Variants in SNX29 observed in about 807,000 individuals in gnomAD.
SNX29 encodes sorting nexin 29, also known as sorting nexin-29.
A neutral mutation model predicts 102.1 loss-of-function variants in SNX29; 78 were observed. That is an observed-to-expected ratio of 0.76 (90% CI 0.64 to 0.92). The LOEUF is 0.92. Ranked by LOEUF, SNX29 falls within the 40% of genes least tolerant of loss-of-function variation. SNX29 has a pLI of 0.00. For missense variants in SNX29, 1,280 were observed against 1,061.7 expected (o/e 1.21, Z -2.86); for synonymous variants, 580 against 414.5 (o/e 1.40, Z -4.85).
intron 16 of SNX29, among the ~76,000 whole-genome samples, chr16:12,370,332 A>G (rs935277450): frequency 5.3e-5 from 8 of 150,538 alleles, no homozygotes; most frequent in African/African-American, 2.0e-4. Context: ...GGCCAAGGCG[A>G]GCGGATCACC....
At chr16:12,201,386 C>A (rs1334009643) in intron 14 of SNX29, among the ~76,000 whole-genome samples, 1 of 152,224 alleles carries the variant, frequency 6.6e-6, no homozygotes, top group African/African-American at 2.4e-5. Flanking sequence ...TAGCCCTTTA[C>A]AGCCTTTCCA....
intron 16 of SNX29, among the ~76,000 whole-genome samples, chr16:12,376,981 GT>G (rs1254596879): frequency 6.6e-6 from 1 of 152,098 alleles, no homozygotes; most frequent in Non-Finnish European, 1.5e-5. Flanking sequence ...AGGTCCAGAG[GT>G]TTTTCTGGTT....
intron 10 of SNX29, 105 bp from the exon 11 acceptor site, chr16:12,078,728 C>G (rs941779644): frequency 2.2e-6 from 2 of 903,648 alleles, no homozygotes. Flanking sequence ...TCTATCCCTT[C>G]TAGTAGAGGT....
chr16:12,105,095 A>T (rs1290627620), intron 11 of SNX29, among the ~76,000 whole-genome samples: 1 of 152,202 alleles, frequency 6.6e-6, no homozygotes, highest in East Asian at 1.9e-4. Flanking sequence ...CAGTCTTCAG[A>T]GCATGAGGCA....
intron 4 of SNX29, among the ~76,000 whole-genome samples, chr16:12,035,090 G>T (rs1476058749): frequency 6.6e-6 from 1 of 151,944 alleles, no homozygotes; most frequent in Non-Finnish European, 1.5e-5. Context: ...CCTGAGTTCC[G>T]TGGGTCCTTT....
chr16:12,204,237 T>C (rs545515537), intron 14 of SNX29, among the ~76,000 whole-genome samples: 74 of 152,304 alleles, frequency 4.9e-4, no homozygotes, highest in African/African-American at 1.7e-3. Flanking sequence ...CCCTGGACTT[T>C]TTGGTAATAG....
At chr16:12,388,662 T>C (rs1280444224) in intron 16 of SNX29, among the ~76,000 whole-genome samples, 3 of 152,170 alleles carry the variant, frequency 2.0e-5, no homozygotes, top group African/African-American at 7.2e-5. Context: ...ACTGGCTGAG[T>C]GGGACTGTGT....
intron 10 of SNX29, among the ~76,000 whole-genome samples, chr16:12,073,957 TAA>T (rs1383302927): frequency 6.6e-6 from 1 of 152,102 alleles, no homozygotes; most frequent in Non-Finnish European, 1.5e-5. Flanking sequence ...TTTGTTGGTT[TAA>T]AGTCTCTTTT....
At chr16:12,078,020 C>G (rs2051668594) in intron 10 of SNX29, among the ~76,000 whole-genome samples, 1 of 152,164 alleles carries the variant, frequency 6.6e-6, no homozygotes, top group Non-Finnish European at 1.5e-5. Flanking sequence ...GATTCATTAA[C>G]ATTGAATTCA....
At chr16:12,550,543 A>C (rs902115252) in intron 20 of SNX29, among the ~76,000 whole-genome samples, 4 of 151,964 alleles carry the variant, frequency 2.6e-5, no homozygotes, top group Admixed American at 2.6e-4. Flanking sequence ...AAAAAAAAAA[A>C]AAAACCAAAC....
intron 18 of SNX29, among the ~76,000 whole-genome samples, chr16:12,426,367 C>T (rs1032028019): frequency 6.6e-6 from 1 of 152,174 alleles, no homozygotes; most frequent in South Asian, 2.1e-4. Flanking sequence ...AGGCCTTGCT[C>T]TGATCCTGAA....
chr16:12,088,520 A>G (rs2052331109), intron 11 of SNX29, among the ~76,000 whole-genome samples: 1 of 152,210 alleles, frequency 6.6e-6, no homozygotes, highest in Non-Finnish European at 1.5e-5. Context: ...TGGTCATGCT[A>G]TGTGAAAATG....
chr16:12,107,395 G>C (rs773894536), intron 11 of SNX29, among the ~76,000 whole-genome samples: 3 of 151,054 alleles, frequency 2.0e-5, no homozygotes, highest in Non-Finnish European at 2.9e-5. Context: ...GACCTGGTGC[G>C]GTGGCTGATG....
intron 1 of SNX29, among the ~76,000 whole-genome samples, chr16:11,991,582 G>A (rs959066604): frequency 1.3e-4 from 19 of 151,204 alleles, no homozygotes; most frequent in Admixed American, 4.6e-4. Context: ...TCACTCTGTC[G>A]CCCAGGCTGG....
intron 15 of SNX29, among the ~76,000 whole-genome samples, chr16:12,347,678 C>T (rs2081855086): frequency 6.6e-6 from 1 of 152,102 alleles, no homozygotes; most frequent in Non-Finnish European, 1.5e-5. Context: ...ACATCCTGTC[C>T]ACATCATGGC....
rs368090157 is a variant in SNX29 at position 12,052,214 on chromosome 16, G to A, written c.1116G>A (p.Ser372=). ...GGAAGCACAGGGGCCACTCGGAGTC[G>A]CCCGAGAAGTAAGTTTGTGTGTAAG... ...SGRKHRGHSE[S]PEKPLEGNTC... is the part of the protein sequence containing the mutation. The change falls in exon 8 of 21, where the codon TCG becomes TCA. Residue 372 remains serine (S), a synonymous_variant. Coordinates refer to ENST00000566228, the MANE Select transcript of SNX29 (RefSeq NM_032167.5). The A allele has an allele frequency of 3.7e-6, 6 of 1,613,778 alleles. No homozygotes were observed. The highest frequency in any genetic ancestry group is 1.1e-5 in the South Asian group (1 of 91,002).
intron 13 of SNX29, among the ~76,000 whole-genome samples, chr16:12,145,676 A>G (rs1207038604): frequency 6.6e-6 from 1 of 152,192 alleles, no homozygotes; most frequent in Non-Finnish European, 1.5e-5. Context: ...AATTCAGGTC[A>G]TTCTGAATCT....
chr16:12,350,862 C>G (rs921976213), intron 15 of SNX29, among the ~76,000 whole-genome samples: 7 of 152,164 alleles, frequency 4.6e-5, no homozygotes, highest in Non-Finnish European at 4.4e-5. Flanking sequence ...CAGAAATCCG[C>G]ATTTTTCAGA....
chr16:12,259,493 C>A (rs917757686), intron 14 of SNX29, among the ~76,000 whole-genome samples: 1 of 152,200 alleles, frequency 6.6e-6, no homozygotes, highest in East Asian at 1.9e-4. Context: ...CCGCAGCCCC[C>A]ACCTGGCTCC....
Sources: allele counts gnomAD v4.1 joint callset (sites outside exome capture counted in the v4.1 genomes callset), GRCh38; gene constraint gnomAD v4.1.1; transcripts MANE v1.5; gene names NCBI Gene and HGNC (gene_info 2026-07-23, HGNC 2026-07-21).